The following GAPVD1 variants were observed in gnomAD, a reference collection of about 807,000 sequenced individuals.
GAPVD1 encodes the protein GTPase activating protein and VPS9 domains 1, also known as GTPase-activating protein and VPS9 domain-containing protein 1.
Under a neutral mutation model 155.5 loss-of-function variants are expected in GAPVD1, and 35 were observed. The observed-to-expected ratio is 0.23, with a 90% CI of 0.17 to 0.30. The LOEUF is 0.30. Ranked by LOEUF, GAPVD1 falls within the 10% of genes least tolerant of loss-of-function variation. The pLI is 1.00. For synonymous variants in GAPVD1, 636 were observed against 619.7 expected (o/e 1.03, Z -0.39); for missense variants, 1,429 against 1,775.7 (o/e 0.80, Z 3.51).
Position 125,266,532 on chromosome 9 carries a change from C to G in GAPVD1, c.-198-2404C>G, listed in dbSNP as rs368083499. ...GTTTCACCATGTTATCCAGGATGGT[C>G]TTGATCTCCTGACCTTGTGATCCAC... On this transcript the variant is annotated intron_variant, in intron 1 of 27. Coordinates refer to ENST00000297933, the MANE Select transcript of GAPVD1 (RefSeq NM_001282680.3). Among the ~76,000 whole-genome samples, 114 of 152,152 alleles carry G rather than the reference C, an allele frequency of 7.5e-4. 1 individual carries two copies. Among genetic ancestry groups the G allele is most frequent in the South Asian group, 3.1e-3 (15 of 4,824 alleles).
intron 11 of GAPVD1, among the ~76,000 whole-genome samples, chr9:125,325,483 G>GCA (rs1184514314): frequency 7.4e-6 from 1 of 135,964 alleles, no homozygotes; most frequent in Non-Finnish European, 1.5e-5. Context: ...TCACACCACT[G>GCA]CACTCCAGCC....
intron 2 of GAPVD1, among the ~76,000 whole-genome samples, chr9:125,288,460 C>T (rs1336019370): frequency 6.6e-6 from 1 of 152,088 alleles, no homozygotes; most frequent in Non-Finnish European, 1.5e-5. Flanking sequence ...TTTTCCCATC[C>T]ACCAAAGGAC....
chr9:125,310,784 CA>C (rs1315893591), intron 8 of GAPVD1, among the ~76,000 whole-genome samples: 1 of 150,052 alleles, frequency 6.7e-6, no homozygotes, highest in Non-Finnish European at 1.5e-5. Flanking sequence ...GAGATCCACC[CA>C]CCTCAGCCTC....
chr9:125,327,496 T>G (rs1477803202), intron 12 of GAPVD1, among the ~76,000 whole-genome samples: 2 of 152,032 alleles, frequency 1.3e-5, no homozygotes, highest in Non-Finnish European at 2.9e-5. Context: ...CAATAGGTTT[T>G]TTTTTGTTTT....
Position 125,269,951 on chromosome 9 carries a change from T to G in GAPVD1, c.-150+967T>G, listed in dbSNP as rs187004605. 2.9e-3 allele frequency among the ~76,000 whole-genome samples: 434 copies of G among 151,948 alleles called. 4 individuals carry two copies. The highest frequency in any genetic ancestry group is 0.01 in the African/African-American group (417 of 41,462). On this transcript the variant is annotated intron_variant, in intron 2 of 27. Transcript: ENST00000297933. Reference sequence around the variant, plus strand: ...CCAGGCTGGTCTTGAACTCCTACTCTCAAGTGATCTGCCCGCCTTGGCCTC... The same window carrying G: ...CCAGGCTGGTCTTGAACTCCTACTCGCAAGTGATCTGCCCGCCTTGGCCTC...
chr9:125,288,130 G>A (rs897383650), intron 2 of GAPVD1, among the ~76,000 whole-genome samples: 3 of 88,112 alleles, frequency 3.4e-5, no homozygotes, highest in Non-Finnish European at 6.8e-5. Context: ...TTTTTTTTTT[G>A]AGACGGAGTC....
intron 15 of GAPVD1, among the ~76,000 whole-genome samples, chr9:125,334,552 T>C (rs1018432540): frequency 6.6e-6 from 1 of 152,168 alleles, no homozygotes; most frequent in Admixed American, 6.5e-5. Context: ...GAATGACAGA[T>C]AAACTGTATT....
chr9:125,313,421 A>G (rs1315625715), intron 9 of GAPVD1, among the ~76,000 whole-genome samples: 1 of 149,022 alleles, frequency 6.7e-6, no homozygotes, highest in East Asian at 2.0e-4. Flanking sequence ...CTCCTGCCTT[A>G]GCCTCCCAAG....
intron 3 of GAPVD1, among the ~76,000 whole-genome samples, chr9:125,298,491 T>TA (rs1170349060): frequency 7.0e-6 from 1 of 143,242 alleles, no homozygotes; most frequent in Non-Finnish European, 1.5e-5. Context: ...ATTTTTTTTT[T>TA]TTTTTTTTTT....
intron 14 of GAPVD1, among the ~76,000 whole-genome samples, chr9:125,332,264 C>T (rs1398057036): frequency 6.6e-6 from 1 of 152,178 alleles, no homozygotes; most frequent in Non-Finnish European, 1.5e-5. Context: ...GGCAAACAGT[C>T]TCTCTACAAC....
At chr9:125,324,530 G>A (rs759367092) in intron 11 of GAPVD1, among the ~76,000 whole-genome samples, 4 of 151,982 alleles carry the variant, frequency 2.6e-5, no homozygotes, top group Admixed American at 1.3e-4. Context: ...CGGAGGTTGC[G>A]GTGAGCCAAG....
chr9:125,340,624 T>C (rs1302897170), intron 17 of GAPVD1, among the ~76,000 whole-genome samples: 1 of 152,212 alleles, frequency 6.6e-6, no homozygotes, highest in Non-Finnish European at 1.5e-5. Context: ...CTACCATCTC[T>C]ACTGCCCTTC....
rs1277336167 is a variant in GAPVD1 at position 125,367,005 on chromosome 9, A to G, written c.*4259A>G. The G allele has an allele frequency of 1.3e-5, 2 of 152,198 alleles. No homozygotes were observed. The highest frequency in any genetic ancestry group is 4.8e-5 in the African/African-American group (2 of 41,422). The allele number at this position is 152,198 out of a possible 1,614,324, so 9.4% of individuals were successfully genotyped here. On this transcript the variant is annotated 3_prime_UTR_variant, in exon 28 of 28. Coordinates refer to ENST00000297933, the MANE Select transcript of GAPVD1 (RefSeq NM_001282680.3). Reference sequence around the variant, plus strand: ...CTGTCAAATTAATACTCTCCTGTCTACTGGATTCTTCTTGTGCTTCACCTG... The same window carrying G: ...CTGTCAAATTAATACTCTCCTGTCTGCTGGATTCTTCTTGTGCTTCACCTG...
intron 19 of GAPVD1, 80 bp downstream of exon 19, chr9:125,342,379 C>T (rs1009867036): frequency 6.2e-6 from 5 of 813,006 alleles, no homozygotes; most frequent in South Asian, 2.8e-5. Context: ...GTGCCATAAG[C>T]GTTGCCTTTC....
Position 125,306,836 on chromosome 9 carries a change from T to A in GAPVD1, c.1117-577T>A, listed in dbSNP as rs188009176. On this transcript the variant is annotated intron_variant, in intron 6 of 27. Coordinates refer to ENST00000297933, the MANE Select transcript of GAPVD1 (RefSeq NM_001282680.3). ...TCAGTACAAAAAGAGTTTAATTTTT[T>A]TAGGTTGGGTGCAGTGGCTCATGCT... Among the ~76,000 whole-genome samples, 12 of 152,290 alleles carry A rather than the reference T, an allele frequency of 7.9e-5. No homozygotes were observed. The East Asian group carries it at 1.5e-3, about 20-fold the overall frequency.
Position 125,333,566 on chromosome 9 carries a change from A to G in GAPVD1, c.2428+937A>G, listed in dbSNP as rs1415441572. ...TGCAATGGCGCAATCTCGGCTCACCACAACCTCTGTCTCCCAGGTTCAAAT... is the reference window on the plus strand; with the variant it reads ...TGCAATGGCGCAATCTCGGCTCACCGCAACCTCTGTCTCCCAGGTTCAAAT... On this transcript the variant is annotated intron_variant, in intron 15 of 27. Coordinates refer to ENST00000297933, the MANE Select transcript of GAPVD1 (RefSeq NM_001282680.3). Among the ~76,000 whole-genome samples the G allele has an allele frequency of 1.7e-4, 23 of 137,260 alleles. No homozygotes were observed. In the Admixed American group the frequency reaches 1.9e-3, roughly 11 times the overall value. 90.0% of individuals were successfully genotyped at this position (137,260 alleles called of 152,430 possible). A position where few individuals can be genotyped will look rare whatever the true frequency, so the allele number is the denominator to read the frequency against.
chr9:125,332,039 C>A lies in GAPVD1; in HGVS notation c.2287C>A (p.Pro763Thr). 1 of 1,614,106 alleles carries A rather than the reference C, an allele frequency of 6.2e-7. No individual in the cohort carries two copies. Residue 763 changes from proline (P) to threonine (T), a missense_variant, in exon 14 of 28, where the codon CCA becomes ACA. By Grantham distance (38) the Pro-to-Thr change is conservative. Around this residue, in one of 4 missense-constraint regions of GAPVD1, gnomAD observed 699 missense variants for 826.0 expected, o/e 0.85. Coordinates refer to ENST00000297933, the MANE Select transcript of GAPVD1 (RefSeq NM_001282680.3). Reference sequence around the variant, plus strand: ...GGAGGTCAGTTCCCGCCCCAGCACACCAGGCCTCAGTGTTGTGTCCGGTAT... The same window carrying A: ...GGAGGTCAGTTCCCGCCCCAGCACAACAGGCCTCAGTGTTGTGTCCGGTAT... ...VREVSSRPST[P>T]GLSVVSGISA...
Position 125,354,754 on chromosome 9 carries a change from AAAG to A in GAPVD1, c.3674_3676del (p.Glu1225del). On this transcript the variant is annotated inframe_deletion, in exon 24 of 28. Coordinates refer to ENST00000297933, the MANE Select transcript of GAPVD1 (RefSeq NM_001282680.3). Reference sequence around the variant, plus strand: ...GCTATTGCAAAGAGTTTTGCGGGACAAAGAAGTGGCCAATCGATACTTTACCAC... The same window carrying A: ...GCTATTGCAAAGAGTTTTGCGGGACAAAGTGGCCAATCGATACTTTACCAC... 1 of 1,613,882 alleles carries A rather than the reference AAAG, an allele frequency of 6.2e-7. No individual in the cohort carries two copies. The highest frequency in any genetic ancestry group is 8.5e-7 in the Non-Finnish European group (1 of 1,179,724).
chr9:125,330,641 G>A (rs187030165), intron 13 of GAPVD1, among the ~76,000 whole-genome samples: 15 of 152,252 alleles, frequency 9.9e-5, no homozygotes, highest in Admixed American at 7.9e-4. Context: ...CAAAGATGAG[G>A]TGATCACATT....
Sources: allele counts gnomAD v4.1 joint callset (sites outside exome capture counted in the v4.1 genomes callset), GRCh38; gene constraint gnomAD v4.1.1; regional missense constraint gnomAD v4.1.1; transcripts MANE v1.5; gene names NCBI Gene and HGNC (gene_info 2026-07-23, HGNC 2026-07-21).